OSBPL5: variants seen among roughly 807,000 people sequenced by gnomAD.
OSBPL5 encodes oxysterol binding protein like 5.
Under a neutral mutation model 111.2 loss-of-function variants are expected in OSBPL5, and 71 were observed. The ratio of observed to expected loss-of-function variants is 0.64; its 90% CI spans 0.53 to 0.78. The LOEUF (loss-of-function observed/expected upper bound fraction) is 0.78, where lower values mean the gene tolerates loss of function less well. Among genes scored for constraint, OSBPL5 ranks in the 30% least tolerant of loss-of-function variants. OSBPL5 has a pLI of 0.00. For synonymous variants in OSBPL5, 549 were observed against 513.9 expected (o/e 1.07, Z -0.93); for missense variants, 1,210 against 1,189.3 (o/e 1.02, Z -0.26).
rs1292098865 is a variant in OSBPL5, at chr11:3,120,526, G to A, written c.501C>T (p.Gly167=). The A allele has an allele frequency of 1.1e-5, 17 of 1,613,190 alleles. No individual in the cohort carries two copies. Among genetic ancestry groups the A allele is most frequent in the African/African-American group, 1.3e-5 (1 of 74,948 alleles). Residue 167 remains glycine, a synonymous_variant, in exon 6 of 22, where the codon GGC becomes GGT. Transcript: ENST00000263650. ...GCTCGCAGCAGTGCAGCAGCACCGT[G>A]CCCACCCACTGGCCCACCTTGGGCG... ...YKTPKVGQWV[G]TVLLHCCELI... is the part of the protein sequence containing the mutation.
intron 4 of OSBPL5, 115 bp downstream of exon 4, chr11:3,122,233 C>T (rs913615038): frequency 1.6e-5 from 21 of 1,330,788 alleles, no homozygotes; most frequent in Middle Eastern, 2.5e-4. Context: ...GGTGTGGAGG[C>T]GACCAGGTGC....
At chr11:3,103,424 C>A in intron 10 of OSBPL5, 104 bp from the exon 11 acceptor site, 1 of 1,069,806 alleles carries the variant, frequency 9.3e-7, no homozygotes, top group Admixed American at 2.4e-5. Flanking sequence ...AACCACTCAG[C>A]TGGAAACAGG....
Position 3,134,580 on chromosome 11 carries a change from G to GT in OSBPL5, c.-21-5412dup, listed in dbSNP as rs541187164. Among the ~76,000 whole-genome samples the GT allele has an allele frequency of 1.4e-4, 22 of 152,348 alleles. No individual in the cohort carries two copies. The South Asian group carries it at 4.3e-3, about 30-fold the overall frequency. On this transcript the variant is annotated intron_variant, in intron 1 of 21. Transcript: ENST00000263650. ...GTGCCCTGCCCAGCCGCTCTTCTCA[G>GT]TCATGACTTTGTGCCTCTTTGGGCC...
At chr11:3,144,289 G>T (rs1846258769) in intron 1 of OSBPL5, among the ~76,000 whole-genome samples, 1 of 152,186 alleles carries the variant, frequency 6.6e-6, no homozygotes, top group Non-Finnish European at 1.5e-5. Flanking sequence ...GGGAAGTGGG[G>T]TGCCATGGTG....
intron 1 of OSBPL5, among the ~76,000 whole-genome samples, chr11:3,147,904 G>C (rs1180878886): frequency 6.6e-6 from 1 of 152,124 alleles, no homozygotes; most frequent in Non-Finnish European, 1.5e-5. Flanking sequence ...TCTTGCGACT[G>C]AACGCCCACC....
chr11:3,103,430 A>G, intron 10 of OSBPL5, 110 bp from the exon 11 acceptor site: 1 of 987,196 alleles, frequency 1.0e-6, no homozygotes, highest in Non-Finnish European at 1.5e-6. Context: ...TCAGCTGGAA[A>G]CAGGCCACTT....
chr11:3,130,883 C>T lies in OSBPL5; in HGVS notation c.-21-1714G>A, dbSNP rs532404641. Among the ~76,000 whole-genome samples, 84 of 152,268 alleles carry T rather than the reference C, an allele frequency of 5.5e-4. 1 individual carries two copies. Among genetic ancestry groups the T allele is most frequent in the African/African-American group, 2.0e-3 (83 of 41,534 alleles). Reference sequence around the variant, plus strand: ...AGGTGCAGCTCAGGATGGGAACCAGCAGCTGAGCGGAGGCCGGGCTTACTC... The same window carrying T: ...AGGTGCAGCTCAGGATGGGAACCAGTAGCTGAGCGGAGGCCGGGCTTACTC... On this transcript the variant is annotated intron_variant, in intron 1 of 21. Coordinates refer to ENST00000263650, the MANE Select transcript of OSBPL5 (RefSeq NM_020896.4). The surrounding 1 kb of genome is among the most constrained non-coding windows in gnomAD (Gnocchi z 4.5).
At chr11:3,108,096 A>C in intron 7 of OSBPL5, 151 bp from the exon 8 acceptor site, 5 of 982,152 alleles carry the variant, frequency 5.1e-6, no homozygotes, top group Non-Finnish European at 5.9e-6. Flanking sequence ...CCCAGCAGGG[A>C]CATGCCCTCC....
intron 13 of OSBPL5, among the ~76,000 whole-genome samples, chr11:3,101,026 G>A: frequency 6.7e-6 from 1 of 148,714 alleles, no homozygotes; most frequent in South Asian, 2.1e-4. Context: ...CCAGGCTGGA[G>A]TACAGTGGCA....
Position 3,104,126 on chromosome 11 carries a change from G to A in OSBPL5, c.1244+67C>T. On this transcript the variant is annotated intron_variant, in intron 10 of 21. Transcript: ENST00000263650. This position sits in a 1 kb window ranked among gnomAD's most constrained non-coding sequence, Gnocchi z 5.0. ...CCCCCACAGGGCAGGTAGGGGCTGG[G>A]GGTGCTGCAGGGTCTCATGCAGATG... The A allele has an allele frequency of 1.3e-6, 2 of 1,505,542 alleles. No individual in the cohort carries two copies. The highest frequency in any genetic ancestry group is 1.8e-6 in the Non-Finnish European group (2 of 1,111,092). 93.3% of individuals were successfully genotyped at this position (1,505,542 alleles called of 1,614,324 possible).
At chr11:3,088,487 G>C in intron 21 of OSBPL5, 144 bp from the exon 22 acceptor site, 1 of 981,772 alleles carries the variant, frequency 1.0e-6, no homozygotes, top group Admixed American at 3.9e-5. Context: ...AGGGGCAACA[G>C]AGCGGGTGGG....
intron 13 of OSBPL5, 91 bp from the exon 14 acceptor site, chr11:3,100,347 C>A: frequency 8.9e-7 from 1 of 1,124,720 alleles, no homozygotes; most frequent in East Asian, 2.5e-5. Flanking sequence ...GAGCTCCTTC[C>A]AACAGCTGAA....
rs546745790 is a variant in OSBPL5, at chr11:3,112,540, G to A, written c.692-4595C>T. On this transcript the variant is annotated intron_variant, in intron 7 of 21. Transcript: ENST00000263650. ...ACAGTGGTTACTCTTGGGCTTTTAAGGAAGAGTGTGGTTTAGACACTTAGA... is the reference window on the plus strand; with the variant it reads ...ACAGTGGTTACTCTTGGGCTTTTAAAGAAGAGTGTGGTTTAGACACTTAGA... 5.5e-4 allele frequency among the ~76,000 whole-genome samples: 80 copies of A among 146,652 alleles called. 1 individual carries two copies. The highest frequency in any genetic ancestry group is 6.8e-4 in the Admixed American group (10 of 14,616).
intron 7 of OSBPL5, 150 bp from the exon 8 acceptor site, chr11:3,108,095 G>T: frequency 1.0e-6 from 1 of 1,003,498 alleles, no homozygotes; most frequent in South Asian, 1.7e-5. Context: ...CCCCAGCAGG[G>T]ACATGCCCTC....
At position 3,120,453 on chromosome 11, in the gene OSBPL5, G is replaced by A. The variant is rs1858365035; in HGVS notation, c.574C>T (p.His192Tyr). ...KKDGFCFKLFHPLDQSVWAVK... is the reference protein window; with the variant it reads ...KKDGFCFKLFYPLDQSVWAVK... ...GCCCAGACGGACTGATCCAGCGGGT[G>A]GAAGAGCTTGAAGCAGAAGCCGTCC... Residue 192 changes from histidine to tyrosine, a missense_variant, in exon 6 of 22, where the codon CAC becomes TAC. Coordinates refer to ENST00000263650, the MANE Select transcript of OSBPL5 (RefSeq NM_020896.4). The A allele has an allele frequency of 6.2e-7, 1 of 1,613,294 alleles. No homozygotes were observed. Among genetic ancestry groups the A allele is most frequent in the South Asian group, 1.1e-5 (1 of 91,090 alleles).
intron 14 of OSBPL5, among the ~76,000 whole-genome samples, chr11:3,098,521 T>TTTTTTTTTTTTTTG: frequency 7.6e-6 from 1 of 131,148 alleles, no homozygotes; most frequent in Non-Finnish European, 1.7e-5. Flanking sequence ...TTTTTTTTTT[T>TTTTTTTTTTTTTTG]GGAGATGGAG....
At chr11:3,127,865 C>A (rs995299801) in intron 2 of OSBPL5, among the ~76,000 whole-genome samples, 4 of 152,128 alleles carry the variant, frequency 2.6e-5, no homozygotes, top group African/African-American at 9.7e-5. Context: ...TGGGACCTAC[C>A]GCCTCCATTC....
intron 7 of OSBPL5, among the ~76,000 whole-genome samples, chr11:3,115,655 A>G (rs1198383458): frequency 6.6e-6 from 1 of 152,238 alleles, no homozygotes; most frequent in Non-Finnish European, 1.5e-5. Context: ...ATGCAAGACT[A>G]GCATATGGGC....
In OSBPL5 at chr11:3,135,719, C is replaced by A. The variant is rs561296457; in HGVS notation, c.-21-6550G>T. Among the ~76,000 whole-genome samples the A allele has an allele frequency of 2.0e-5, 3 of 152,358 alleles. No individual in the cohort carries two copies. In the East Asian group the frequency reaches 5.8e-4, roughly 29 times the overall value. ...AAGACACCGCCCCGTGGTGGCAGCG[C>A]CTGGGGGCCGCCTTGCCTGCGGCAG... is the stretch of plus-strand genomic sequence containing the variant. On this transcript the variant is annotated intron_variant, in intron 1 of 21. Transcript: ENST00000263650.
Sources: gnomAD v4.1 joint callset for allele counts (sites outside exome capture counted in the v4.1 genomes callset) on GRCh38, gnomAD v4.1.1 for gene constraint, Gnocchi (gnomAD v3.1) non-coding constraint, MANE v1.5 for transcripts, NCBI Gene and HGNC (gene_info 2026-07-23, HGNC 2026-07-21) for gene names.